The following ACOT1 variants were observed in gnomAD, a reference collection of about 807,000 sequenced individuals.
ACOT1 encodes acyl-coenzyme A thioesterase 1.
A neutral mutation model predicts 15.7 loss-of-function variants in ACOT1; 8 were observed. That is an observed-to-expected ratio of 0.51 (90% CI 0.30 to 0.92). The LOEUF (loss-of-function observed/expected upper bound fraction) is 0.92, where lower values mean the gene tolerates loss of function less well. ACOT1 is among the 40% of genes least tolerant of loss of function. The pLI, the probability that ACOT1 is intolerant of heterozygous loss-of-function variation, is 0.06. For synonymous variants in ACOT1, 67 were observed against 241.2 expected, an observed-to-expected ratio of 0.28 and a Z score of 6.69; for missense variants, 151 against 539.4, an observed-to-expected ratio of 0.28 and a Z score of 7.13.
chr14:73,515,478 G>A, the ACOT1 span, among the ~76,000 whole-genome samples: 17 of 151,838 alleles, frequency 1.1e-4, no homozygotes, highest in Admixed American at 3.9e-4. Flanking sequence ...TCACAAGTTC[G>A]AGACCAGCCT....
chr14:73,517,870 C>T, the ACOT1 span, among the ~76,000 whole-genome samples: 9 of 152,036 alleles, frequency 5.9e-5, no homozygotes, highest in Middle Eastern at 3.4e-3. Context: ...GGACAGATCA[C>T]GAGGTCAAGA....
chr14:73,525,776 A>C, the ACOT1 span, among the ~76,000 whole-genome samples: 1 of 152,086 alleles, frequency 6.6e-6, no homozygotes, highest in Non-Finnish European at 1.5e-5. Flanking sequence ...AACATGGAGA[A>C]ACCCCATCTC....
chr14:73,516,413 G>T, the ACOT1 span, among the ~76,000 whole-genome samples: 1 of 119,486 alleles, frequency 8.4e-6, no homozygotes, highest in African/African-American at 3.6e-5. Flanking sequence ...CTCCTGAAGA[G>T]ATGAGAAGTA....
the ACOT1 span, among the ~76,000 whole-genome samples, chr14:73,515,304 T>C: frequency 6.6e-6 from 1 of 152,198 alleles, no homozygotes; most frequent in Non-Finnish European, 1.5e-5. Flanking sequence ...TCATTCTGAC[T>C]CTTAACACCT....
the ACOT1 span, chr14:73,519,027 T>C: frequency 8.7e-6 from 14 of 1,612,514 alleles, no homozygotes; most frequent in Non-Finnish European, 1.2e-5. Context: ...GCTTACATGC[T>C]TCAGGAATTG....
upstream of ACOT1, among the ~76,000 whole-genome samples, chr14:73,535,488 T>C (rs1460758853): frequency 0.44 from 24,597 of 55,538 alleles, 8,573 homozygotes; most frequent in Admixed American, 0.51. Flanking sequence ...TTTTTTTTTT[T>C]TTTTTTTTTT....
At chr14:73,513,410 A>C in the ACOT1 span, among the ~76,000 whole-genome samples, 1 of 150,026 alleles carries the variant, frequency 6.7e-6, no homozygotes, top group South Asian at 2.1e-4. Flanking sequence ...AGTGAGCCCA[A>C]ATCAAGTGCC....
At chr14:73,525,830 AT>A in the ACOT1 span, among the ~76,000 whole-genome samples, 1 of 152,022 alleles carries the variant, frequency 6.6e-6, no homozygotes, top group Non-Finnish European at 1.5e-5. Context: ...GTGGGGGCCT[AT>A]AATCCCAGCT....
chr14:73,528,184 C>T, the ACOT1 span, among the ~76,000 whole-genome samples: 1 of 151,746 alleles, frequency 6.6e-6, no homozygotes, highest in Non-Finnish European at 1.5e-5. Flanking sequence ...CACCTGAGGT[C>T]AGGAGTTTGA....
chr14:73,517,037 T>C, the ACOT1 span, among the ~76,000 whole-genome samples: 1 of 151,930 alleles, frequency 6.6e-6, no homozygotes, highest in Non-Finnish European at 1.5e-5. Flanking sequence ...AGCACTTTGT[T>C]TGGGAGGCTA....
the ACOT1 span, among the ~76,000 whole-genome samples, chr14:73,516,948 G>T: frequency 6.6e-6 from 1 of 152,166 alleles, no homozygotes; most frequent in African/African-American, 2.4e-5. Flanking sequence ...GTGCCAAAAA[G>T]GTTGAGGACT....
the ACOT1 span, among the ~76,000 whole-genome samples, chr14:73,517,808 G>A: frequency 6.6e-6 from 1 of 152,182 alleles, no homozygotes; most frequent in South Asian, 2.1e-4. Context: ...AGAAAAAGAG[G>A]CTGGACACGG....
the ACOT1 span, among the ~76,000 whole-genome samples, chr14:73,518,692 T>A: frequency 1.2e-3 from 177 of 152,208 alleles, 3 homozygotes; most frequent in East Asian, 6.8e-3. Flanking sequence ...GGTCAGGAGT[T>A]TGATGCACTT....
the ACOT1 span, among the ~76,000 whole-genome samples, chr14:73,514,488 A>G: frequency 6.6e-6 from 1 of 152,196 alleles, no homozygotes; most frequent in Non-Finnish European, 1.5e-5. Context: ...TGAGATATCT[A>G]CAAACCTTTC....
At chr14:73,511,806 T>C in the ACOT1 span, among the ~76,000 whole-genome samples, 6 of 152,302 alleles carry the variant, frequency 3.9e-5, no homozygotes, top group African/African-American at 1.4e-4. Flanking sequence ...GAAATGTAGT[T>C]CAAAAATTAC....
At chr14:73,523,127 G>A in the ACOT1 span, 3 of 1,603,796 alleles carry the variant, frequency 1.9e-6, no homozygotes, top group South Asian at 1.1e-5. Context: ...GGGGAGAAAG[G>A]TCTTTCCCTT....
At chr14:73,500,140 G>A in the ACOT1 span, among the ~76,000 whole-genome samples, 19 of 152,312 alleles carry the variant, frequency 1.2e-4, no homozygotes, top group African/African-American at 3.4e-4. Flanking sequence ...TGAGGCAGGA[G>A]AATGGCGTGA....
the ACOT1 span, chr14:73,496,659 T>C: frequency 6.3e-7 from 1 of 1,587,630 alleles, no homozygotes; most frequent in Non-Finnish European, 8.7e-7. Context: ...GTTGAGTATC[T>C]TCATTGTCTG....
At chr14:73,532,794 AC>A (rs1232469743), upstream of ACOT1, among the ~76,000 whole-genome samples, 4 of 112,212 alleles carry the variant, frequency 3.6e-5, no homozygotes, top group South Asian at 2.8e-4. Context: ...CTCTACTAAA[AC>A]ATACAAAAAA....
Sources: allele counts gnomAD v4.1 joint callset (sites outside exome capture counted in the v4.1 genomes callset), GRCh38; gene constraint gnomAD v4.1.1; transcripts MANE v1.5; gene names NCBI Gene and HGNC (gene_info 2026-07-23, HGNC 2026-07-21).